Variants in JPH3 observed in about 807,000 individuals in gnomAD.
The protein encoded by JPH3 is junctophilin 3.
Under a neutral mutation model 59.6 loss-of-function variants are expected in JPH3, and 11 were observed. That is an observed-to-expected ratio of 0.18 (90% confidence interval 0.12 to 0.31). JPH3 has a LOEUF of 0.31. Ranked by LOEUF, JPH3 falls within the 10% of genes least tolerant of loss-of-function variation. The pLI is 1.00. For missense variants in JPH3, 1,202 were observed against 1,105.7 expected, an observed-to-expected ratio of 1.09 and a Z score of -1.24; for synonymous variants, 673 against 483.6, an observed-to-expected ratio of 1.39 and a Z score of -5.14.
chr16:87,661,273 G>A (rs2032694063), intron 2 of JPH3, among the ~76,000 whole-genome samples: 1 of 152,206 alleles, frequency 6.6e-6, no homozygotes, highest in Non-Finnish European at 1.5e-5. Context: ...ATAATCCAGG[G>A]TCATCTCTCT....
intron 1 of JPH3, chr16:87,604,070 C>G (rs1269363739): frequency 3.0e-6 from 3 of 985,196 alleles, no homozygotes; most frequent in African/African-American, 1.7e-5. Context: ...ACCAAAACAG[C>G]CAGGCAGTAC....
In JPH3 at chr16:87,696,912, C is replaced by T; in HGVS notation, c.*252C>T. On this transcript the variant is annotated 3_prime_UTR_variant, in exon 5 of 5. Transcript: ENST00000284262. ...GTGGCATGGCAGAAGGAGGCCAGCACGCAGCCCCTCCAGCTCCACGTGGAG... is the reference window on the plus strand; with the variant it reads ...GTGGCATGGCAGAAGGAGGCCAGCATGCAGCCCCTCCAGCTCCACGTGGAG... 1 of 474,726 alleles carries T rather than the reference C, an allele frequency of 2.1e-6. No homozygotes were observed. The highest frequency in any genetic ancestry group is 2.1e-5 in the South Asian group (1 of 47,250). The allele number at this position is 474,726 out of a possible 1,614,324, so 29.4% of individuals were successfully genotyped here. A position where few individuals can be genotyped will look rare whatever the true frequency, so the allele number is the denominator to read the frequency against.
chr16:87,603,816 A>AC (rs1444509896), intron 1 of JPH3, among the ~76,000 whole-genome samples: 1 of 152,100 alleles, frequency 6.6e-6, no homozygotes, highest in South Asian at 2.1e-4. Flanking sequence ...CAGGCCGGAG[A>AC]CCTGCGGGAA....
At chr16:87,602,455 G>A (rs2030248724), upstream of JPH3, among the ~76,000 whole-genome samples, 1 of 126,362 alleles carries the variant, frequency 7.9e-6, no homozygotes, top group African/African-American at 2.8e-5. Flanking sequence ...GGGGGGCGGG[G>A]GGCGGGCGGG....
intron 1 of JPH3, among the ~76,000 whole-genome samples, chr16:87,640,656 G>T (rs57196459): frequency 0.013 from 1,994 of 152,180 alleles, 50 homozygotes; most frequent in African/African-American, 0.046. Context: ...GCCTCCCAAA[G>T]TGCTGGGATT....
intron 3 of JPH3, among the ~76,000 whole-genome samples, chr16:87,689,153 G>A (rs1334601672): frequency 6.6e-6 from 1 of 152,170 alleles, no homozygotes; most frequent in Non-Finnish European, 1.5e-5. Context: ...CGCTGGCCCC[G>A]GCACTGGCTG....
intron 1 of JPH3, among the ~76,000 whole-genome samples, chr16:87,618,434 C>T (rs955212193): frequency 6.6e-6 from 1 of 152,212 alleles, no homozygotes; most frequent in African/African-American, 2.4e-5. Flanking sequence ...ACACCTCATC[C>T]CTTAGGCCAT....
intron 2 of JPH3, among the ~76,000 whole-genome samples, chr16:87,648,371 G>A (rs1369768740): frequency 6.6e-6 from 1 of 152,214 alleles, no homozygotes; most frequent in African/African-American, 2.4e-5. Context: ...GCCGCACCAC[G>A]TGGGCTGAGG....
rs192839797 is a variant in JPH3, at chr16:87,664,097, C to T, written c.1160+19062C>T. Among the ~76,000 whole-genome samples the T allele has an allele frequency of 6.7e-3, 1,001 of 148,308 alleles. 4 individuals carry two copies. Among genetic ancestry groups the T allele is most frequent in the Non-Finnish European group, 0.01 (686 of 67,060 alleles). ...CTGTAATCCCAGCACTTTGGGAGGC[C>T]GAGGCGGGTGGATCACGAGGTCAGC... On this transcript the variant is annotated intron_variant, in intron 2 of 4. Coordinates refer to ENST00000284262, the MANE Select transcript of JPH3 (RefSeq NM_020655.4).
chr16:87,623,716 T>C (rs1164046229), intron 1 of JPH3, among the ~76,000 whole-genome samples: 2 of 152,202 alleles, frequency 1.3e-5, no homozygotes, highest in African/African-American at 4.8e-5. Flanking sequence ...AGTCCTGCAC[T>C]GGTCCTGGCC....
In JPH3 at chr16:87,611,798, G is replaced by A. The variant is rs1462616034; in HGVS notation, c.382+8270G>A. 6.6e-6 allele frequency among the ~76,000 whole-genome samples: 1 copy of A among 152,232 alleles called. No homozygotes were observed. The highest frequency in any genetic ancestry group is 1.5e-5 in the Non-Finnish European group (1 of 68,040). On this transcript the variant is annotated intron_variant, in intron 1 of 4. Coordinates refer to ENST00000284262, the MANE Select transcript of JPH3 (RefSeq NM_020655.4). This position sits in a 1 kb window ranked among gnomAD's most constrained non-coding sequence, Gnocchi z 4.5. Reference sequence around the variant, plus strand: ...CTTACAAATTTCAGGCGATGCTGAGGCTGCTGATCTGGGGACCTCACATTA... The same window carrying A: ...CTTACAAATTTCAGGCGATGCTGAGACTGCTGATCTGGGGACCTCACATTA...
At chr16:87,631,641 G>C (rs562083432) in intron 1 of JPH3, among the ~76,000 whole-genome samples, 1 of 152,222 alleles carries the variant, frequency 6.6e-6, no homozygotes, top group South Asian at 2.1e-4. Context: ...TCCATTCCAG[G>C]AGACTTTCCT....
Position 87,602,538 on chromosome 16 carries a change from C to T in JPH3, c.-609C>T, listed in dbSNP as rs1365615208. On this transcript the variant is annotated 5_prime_UTR_variant, in exon 1 of 5. Transcript: ENST00000284262. ...CGCGAGCCGGGCCCGGAGCGCACGCCGCCGCCGCCACCGCCGCCGCCGCCG... is the reference window on the plus strand; with the variant it reads ...CGCGAGCCGGGCCCGGAGCGCACGCTGCCGCCGCCACCGCCGCCGCCGCCG... 4.7e-4 allele frequency among the ~76,000 whole-genome samples: 65 copies of T among 139,080 alleles called. 4 individuals carry two copies. The East Asian group carries it at 8.0e-3, about 17-fold the overall frequency. 91.2% of individuals were successfully genotyped at this position (139,080 alleles called of 152,430 possible). A position where few individuals can be genotyped will look rare whatever the true frequency, so the allele number is the denominator to read the frequency against.
intron 1 of JPH3, among the ~76,000 whole-genome samples, chr16:87,625,612 C>G (rs2031345275): frequency 6.6e-6 from 1 of 152,180 alleles, no homozygotes. Flanking sequence ...CCCTATGTCT[C>G]ACAGCGCAGA....
At position 87,689,702 on chromosome 16, in the gene JPH3, T is replaced by C. The variant is rs767074350; in HGVS notation, c.1342T>C (p.Ser448Pro). Residue 448 changes from serine (S) to proline (P), a missense_variant, in exon 4 of 5, where the codon TCC becomes CCC. Transcript: ENST00000284262. Reference sequence around the variant, plus strand: ...CTCCTGTGACGACATCGAGGTGCTGTCCACCGGGACACCCCTGCAGCAGGA... The same window carrying C: ...CTCCTGTGACGACATCGAGGTGCTGCCCACCGGGACACCCCTGCAGCAGGA... ...QTSCDDIEVL[S>P]TGTPLQQESP... The C allele has an allele frequency of 6.2e-7, 1 of 1,612,398 alleles. No homozygotes were observed. Among genetic ancestry groups the C allele is most frequent in the Non-Finnish European group, 8.5e-7 (1 of 1,179,776 alleles).
In JPH3 at chr16:87,684,134, T is replaced by C. The variant is rs1567613521; in HGVS notation, c.1161-8T>C. The C allele has an allele frequency of 6.2e-7, 1 of 1,612,056 alleles. No individual in the cohort carries two copies. Among genetic ancestry groups the C allele is most frequent in the Admixed American group, 1.7e-5 (1 of 59,962 alleles). On this transcript the variant is annotated splice_polypyrimidine_tract_variant and splice_region_variant and intron_variant, in intron 2 of 4. Transcript: ENST00000284262. ...GCCCCCCCTCACGCTCCTCCCTGTC[T>C]CCCCCAGGACCTCCCACTCTCGGGC...
In JPH3 at chr16:87,603,451, G is replaced by A. The variant is rs748765256; in HGVS notation, c.305G>A (p.Gly102Asp). The A allele has an allele frequency of 1.3e-6, 2 of 1,565,150 alleles. No homozygotes were observed. Among genetic ancestry groups the A allele is most frequent in the Admixed American group, 3.8e-5 (2 of 52,156 alleles). The change falls in exon 1 of 5, where the codon GGC (glycine) becomes GAC (aspartate). Residue 102 changes from glycine (G) to aspartate (D), a missense_variant. Transcript: ENST00000284262. ...CGCTACGGGGTGCGGGAGTGCGCGG[G>A]CAACGGGGCCAAATACGAAGGGACC... ...KGRYGVRECAGNGAKYEGTWS... is the reference protein window; with the variant it reads ...KGRYGVRECADNGAKYEGTWS...
At chr16:87,618,675 G>T (rs2031062927) in intron 1 of JPH3, among the ~76,000 whole-genome samples, 1 of 152,174 alleles carries the variant, frequency 6.6e-6, no homozygotes, top group Non-Finnish European at 1.5e-5. Flanking sequence ...CTGTCTTTTT[G>T]GTTGCAGCCA....
In JPH3 at chr16:87,603,209, C is replaced by T; in HGVS notation, c.63C>T (p.Asp21=). Residue 21 remains aspartate, a synonymous_variant, in exon 1 of 5, where the codon GAC becomes GAT. Transcript: ENST00000284262. Reference sequence around the variant, plus strand: ...GGTCCTACTGTGGAGGCTGGGAGGACGGCAAGGCGCACGGCCATGGCGTCT... The same window carrying T: ...GGTCCTACTGTGGAGGCTGGGAGGATGGCAAGGCGCACGGCCATGGCGTCT... ...DGGSYCGGWE[D]GKAHGHGVCT... is the part of the protein sequence containing the mutation. 6.2e-7 allele frequency: 1 copy of T among 1,613,892 alleles called. No homozygotes were observed. The highest frequency in any genetic ancestry group is 1.6e-4 in the Middle Eastern group (1 of 6,062).
Sources: allele counts gnomAD v4.1 joint callset (sites outside exome capture counted in the v4.1 genomes callset), GRCh38; gene constraint gnomAD v4.1.1; non-coding constraint Gnocchi (gnomAD v3.1); transcripts MANE v1.5; gene names NCBI Gene and HGNC (gene_info 2026-07-23, HGNC 2026-07-21).